AAK1: variants seen among roughly 807,000 people sequenced by gnomAD.
AAK1 encodes the protein AP2-associated protein kinase 1.
In AAK1, 37 loss-of-function variants were observed where a neutral mutation model predicts 116.0. The observed-to-expected ratio is 0.32, with a 90% CI of 0.25 to 0.42. The LOEUF (loss-of-function observed/expected upper bound fraction) is 0.42, where lower values mean the gene tolerates loss of function less well. AAK1 is among the 10% of genes least tolerant of loss of function. The pLI is 1.00. For missense variants in AAK1, 919 were observed against 1,170.6 expected (o/e 0.79, Z 3.14); for synonymous variants, 458 against 439.9 (o/e 1.04, Z -0.51).
intron 3 of AAK1, 97 bp from the exon 4 acceptor site, chr2:69,544,641 A>G (rs1670852732): frequency 2.3e-6 from 2 of 863,720 alleles, no homozygotes; most frequent in African/African-American, 3.4e-5. Flanking sequence ...TTAAATACAG[A>G]GATGATACAG....
Position 69,617,534 on chromosome 2 carries a change from G to T in AAK1, c.163+25344C>A, listed in dbSNP as rs574379754. Among the ~76,000 whole-genome samples, 7 of 152,338 alleles carry T rather than the reference G, an allele frequency of 4.6e-5. No homozygotes were observed. The East Asian group carries it at 1.2e-3, about 25-fold the overall frequency. On this transcript the variant is annotated intron_variant, in intron 2 of 21. Transcript: ENST00000409085. ...ATTAAAAGCATACAAAAAGATGAGTGAGAACCTAACCATACCCTCAAGGAG... is the reference window on the plus strand; with the variant it reads ...ATTAAAAGCATACAAAAAGATGAGTTAGAACCTAACCATACCCTCAAGGAG...
chr2:69,493,716 T>C (rs1675631325), intron 17 of AAK1, among the ~76,000 whole-genome samples: 1 of 152,078 alleles, frequency 6.6e-6, no homozygotes. Context: ...GAAGAAAAAG[T>C]GCCAGGGGAT....
chr2:69,577,981 T>C (rs930663449), intron 2 of AAK1, among the ~76,000 whole-genome samples: 1 of 152,164 alleles, frequency 6.6e-6, no homozygotes, highest in East Asian at 1.9e-4. Flanking sequence ...GACAACATGA[T>C]CTGAGGTGGA....
chr2:69,475,970 G>A lies in AAK1; in HGVS notation c.2792-7C>T, dbSNP rs1674842109. 1 of 1,609,416 alleles carries A rather than the reference G, an allele frequency of 6.2e-7. No homozygotes were observed. Among genetic ancestry groups the A allele is most frequent in the South Asian group, 1.1e-5 (1 of 90,016 alleles). On this transcript the variant is annotated splice_region_variant and splice_polypyrimidine_tract_variant and intron_variant, in intron 21 of 21. Coordinates refer to ENST00000409085, the MANE Select transcript of AAK1 (RefSeq NM_014911.5). Reference sequence around the variant, plus strand: ...CTGTTTCTAGAGTGCCCACCTGGAAGTGGAGAGATAGGAATTCAGTACAAA... The same window carrying A: ...CTGTTTCTAGAGTGCCCACCTGGAAATGGAGAGATAGGAATTCAGTACAAA...
intron 3 of AAK1, among the ~76,000 whole-genome samples, chr2:69,550,093 C>G (rs1671113158): frequency 1.3e-5 from 2 of 152,192 alleles, no homozygotes; most frequent in Non-Finnish European, 2.9e-5. Flanking sequence ...AGCCTAGACT[C>G]TTCGTTTTGC....
In AAK1 at chr2:69,460,156, C is replaced by T. The variant is rs1431603254; in HGVS notation, c.*15713G>A. On this transcript the variant is annotated 3_prime_UTR_variant, in exon 22 of 22. Transcript: ENST00000409085. The stretch of plus-strand genomic sequence containing the variant: ...CACATCTGTGGTTTTATCCAGCAAC[C>T]ATTTCACAGTCGACTGGCACGTGTT... The T allele has an allele frequency of 6.6e-6, 1 of 152,490 alleles. No homozygotes were observed. The highest frequency in any genetic ancestry group is 2.4e-5 in the African/African-American group (1 of 41,404). 9.4% of individuals were successfully genotyped at this position (152,490 alleles called of 1,614,324 possible).
chr2:69,625,421 C>T (rs1352566570), intron 2 of AAK1, among the ~76,000 whole-genome samples: 1 of 152,234 alleles, frequency 6.6e-6, no homozygotes, highest in Non-Finnish European at 1.5e-5. Context: ...CCGTATCAAG[C>T]AAACACCCTA....
intron 2 of AAK1, among the ~76,000 whole-genome samples, chr2:69,618,882 A>C (rs116097378): frequency 0.01 from 1,578 of 151,916 alleles, 21 homozygotes; most frequent in African/African-American, 0.034. Flanking sequence ...CACACCCTCC[A>C]AGACTTCCAT....
intron 11 of AAK1, among the ~76,000 whole-genome samples, chr2:69,520,498 A>C (rs1451768807): frequency 6.6e-6 from 1 of 151,640 alleles, no homozygotes; most frequent in Non-Finnish European, 1.5e-5. Flanking sequence ...AGCTGGGACT[A>C]CAGGCGCACA....
At chr2:69,605,154 C>T (rs564442602) in intron 2 of AAK1, among the ~76,000 whole-genome samples, 1 of 152,306 alleles carries the variant, frequency 6.6e-6, no homozygotes, top group Admixed American at 6.5e-5. Flanking sequence ...CTCCCTACCC[C>T]AGCAGTTTGT....
At chr2:69,557,748 A>T (rs1210276384) in intron 2 of AAK1, among the ~76,000 whole-genome samples, 1 of 152,226 alleles carries the variant, frequency 6.6e-6, no homozygotes, top group Non-Finnish European at 1.5e-5. Flanking sequence ...AGTGGAGCAC[A>T]CTTTCCCTCA....
rs1271733302 is a variant in AAK1 at position 69,532,058 on chromosome 2, T to C, written c.639A>G (p.Val213=). 1 of 1,613,352 alleles carries C rather than the reference T, an allele frequency of 6.2e-7. No individual in the cohort carries two copies. Among genetic ancestry groups the C allele is most frequent in the African/African-American group, 1.3e-5 (1 of 74,912 alleles). ...AAGCTTACTTCTTAATCTCATCTTC[T>C]ACTGCATTGACTCCCTCAGTTTGTG... ...QNPQTEGVNA[V]EDEIKKYTTL... Residue 213 remains valine, a synonymous_variant, in exon 6 of 22, where the codon GTA becomes GTG. Coordinates refer to ENST00000409085, the MANE Select transcript of AAK1 (RefSeq NM_014911.5).
Position 69,458,415 on chromosome 2 carries a change from T to G in AAK1, c.*17454A>C, listed in dbSNP as rs1039982344. The G allele has an allele frequency of 1.3e-5, 2 of 152,666 alleles. No individual in the cohort carries two copies. The highest frequency in any genetic ancestry group is 2.9e-5 in the Non-Finnish European group (2 of 68,060). The allele number at this position is 152,666 out of a possible 1,614,324, so 9.5% of individuals were successfully genotyped here. Reference sequence around the variant, plus strand: ...AAAACATCTTGTGGGCCTTGTGGTGTTCTGGTCACTGCTACCCTCTCAATG... The same window carrying G: ...AAAACATCTTGTGGGCCTTGTGGTGGTCTGGTCACTGCTACCCTCTCAATG... On this transcript the variant is annotated 3_prime_UTR_variant, in exon 22 of 22. Coordinates refer to ENST00000409085, the MANE Select transcript of AAK1 (RefSeq NM_014911.5).
Position 69,643,693 on chromosome 2 carries a change from G to A in AAK1, c.-353C>T. The A allele has an allele frequency of 1.6e-6, 2 of 1,218,910 alleles. No homozygotes were observed. Among genetic ancestry groups the A allele is most frequent in the Non-Finnish European group, 2.0e-6 (2 of 979,780 alleles). 75.5% of individuals were successfully genotyped at this position (1,218,910 alleles called of 1,614,324 possible). On this transcript the variant is annotated 5_prime_UTR_variant, in exon 1 of 22. Coordinates refer to ENST00000409085, the MANE Select transcript of AAK1 (RefSeq NM_014911.5). Reference sequence around the variant, plus strand: ...GCAGCGAGAGCCGGGGCCGCGCTCGGCTCCCGCCCGCCCGCCAGCTGATCC... The same window carrying A: ...GCAGCGAGAGCCGGGGCCGCGCTCGACTCCCGCCCGCCCGCCAGCTGATCC...
intron 5 of AAK1, among the ~76,000 whole-genome samples, chr2:69,538,464 T>C (rs998739969): frequency 6.6e-6 from 1 of 152,270 alleles, no homozygotes; most frequent in Non-Finnish European, 1.5e-5. Flanking sequence ...AGCACCTCAC[T>C]GTAGCACAGG....
At chr2:69,578,781 A>G (rs1350060152) in intron 2 of AAK1, among the ~76,000 whole-genome samples, 1 of 152,096 alleles carries the variant, frequency 6.6e-6, no homozygotes, top group South Asian at 2.1e-4. Flanking sequence ...TGATCATAAA[A>G]AGAAACAAAA....
intron 14 of AAK1, 146 bp from the exon 15 acceptor site, chr2:69,507,724 T>G (rs1177533241): frequency 3.8e-5 from 29 of 756,716 alleles, no homozygotes; most frequent in Non-Finnish European, 5.0e-5. Flanking sequence ...TTTTTTTTTT[T>G]GAGTCAGAGT....
intron 3 of AAK1, among the ~76,000 whole-genome samples, chr2:69,553,441 T>G (rs906154004): frequency 5.3e-5 from 7 of 132,554 alleles, no homozygotes; most frequent in Middle Eastern, 3.6e-3. Context: ...AAAGTTGTTT[T>G]TTTTTTTTTT....
At chr2:69,489,221 C>T (rs1039326052) in intron 17 of AAK1, among the ~76,000 whole-genome samples, 5 of 151,286 alleles carry the variant, frequency 3.3e-5, no homozygotes, top group Non-Finnish European at 5.9e-5. Flanking sequence ...GAAGCTGAGG[C>T]GGGTGGATCA....
Sources: allele counts gnomAD v4.1 joint callset (sites outside exome capture counted in the v4.1 genomes callset), GRCh38; gene constraint gnomAD v4.1.1; transcripts MANE v1.5; gene names NCBI Gene and HGNC (gene_info 2026-07-23, HGNC 2026-07-21).